The following DGKB variants were observed in gnomAD, a reference collection of about 807,000 sequenced individuals.
DGKB encodes 90 kDa diacylglycerol kinase.
A neutral mutation model predicts 114.3 loss-of-function variants in DGKB; 67 were observed. The ratio of observed to expected loss-of-function variants is 0.59; its 90% CI spans 0.48 to 0.72. The LOEUF (loss-of-function observed/expected upper bound fraction) is 0.72. DGKB is among the 30% of genes least tolerant of loss of function. The probability of loss-of-function intolerance (pLI) is 0.00; values close to 1 mark genes in which losing one functional copy is unlikely to be tolerated. For synonymous variants in DGKB, 398 were observed against 323.1 expected (o/e 1.23, Z -2.49); for missense variants, 907 against 975.2 (o/e 0.93, Z 0.93).
At chr7:14,328,217 A>G (rs1809095088) in intron 23 of DGKB, among the ~76,000 whole-genome samples, 1 of 152,126 alleles carries the variant, frequency 6.6e-6, no homozygotes, top group South Asian at 2.1e-4. Context: ...TAGTAGGAAA[A>G]CAAGTCAGTG....
chr7:14,149,297 A>G, intron 25 of DGKB, 59 bp from the exon 26 acceptor site: 1 of 1,284,848 alleles, frequency 7.8e-7, no homozygotes, highest in Non-Finnish European at 1.1e-6. Flanking sequence ...GATAGATACA[A>G]TACCAATTTG....
At chr7:14,179,453 T>C (rs1235605834) in intron 23 of DGKB, among the ~76,000 whole-genome samples, 1 of 152,184 alleles carries the variant, frequency 6.6e-6, no homozygotes, top group East Asian at 1.9e-4. Flanking sequence ...GGAGGCATGA[T>C]TATTATACAA....
intron 1 of DGKB, among the ~76,000 whole-genome samples, chr7:14,924,887 G>A (rs963313035): frequency 6.6e-6 from 1 of 152,042 alleles, no homozygotes; most frequent in African/African-American, 2.4e-5. Context: ...TCCTCAGGTT[G>A]CCTTTTGATA....
At chr7:14,350,931 G>T (rs905102803) in intron 21 of DGKB, among the ~76,000 whole-genome samples, 2 of 151,816 alleles carry the variant, frequency 1.3e-5, no homozygotes, top group Non-Finnish European at 2.9e-5. Flanking sequence ...TTTCACTTTT[G>T]TCCTGTTATT....
intron 20 of DGKB, among the ~76,000 whole-genome samples, chr7:14,483,974 G>A (rs1030084079): frequency 4.0e-5 from 6 of 150,864 alleles, no homozygotes; most frequent in African/African-American, 1.5e-4. Flanking sequence ...AAGTCAACAG[G>A]TTTGTGGTAA....
intron 2 of DGKB, among the ~76,000 whole-genome samples, chr7:14,792,331 G>A (rs1391970267): frequency 1.3e-5 from 2 of 152,138 alleles, no homozygotes; most frequent in East Asian, 3.9e-4. Flanking sequence ...TTTTAAAATA[G>A]CCTTTATTAT....
At chr7:14,315,986 A>C (rs901955256) in intron 23 of DGKB, among the ~76,000 whole-genome samples, 4 of 151,858 alleles carry the variant, frequency 2.6e-5, no homozygotes, top group African/African-American at 9.7e-5. Context: ...ATTTCACTCA[A>C]AACCGCTCAA....
chr7:14,834,829 G>A (rs927391887), intron 2 of DGKB, among the ~76,000 whole-genome samples: 1 of 152,078 alleles, frequency 6.6e-6, no homozygotes, highest in Admixed American at 6.6e-5. Flanking sequence ...ATTTTTTGGG[G>A]GGAGGTCAAG....
chr7:14,652,958 C>T (rs1390168181), intron 13 of DGKB, among the ~76,000 whole-genome samples: 3 of 151,588 alleles, frequency 2.0e-5, no homozygotes, highest in Non-Finnish European at 4.4e-5. Flanking sequence ...TAATGAGATA[C>T]CATCTCACAC....
intron 17 of DGKB, among the ~76,000 whole-genome samples, chr7:14,588,147 A>G (rs534529244): frequency 1.3e-5 from 2 of 151,936 alleles, no homozygotes; most frequent in South Asian, 2.1e-4. Context: ...ACGCTTTTTC[A>G]TTTTATTTCT....
chr7:14,881,000 G>A (rs1316865684), intron 1 of DGKB, among the ~76,000 whole-genome samples: 1 of 151,976 alleles, frequency 6.6e-6, no homozygotes, highest in Non-Finnish European at 1.5e-5. Context: ...TAACAATGAG[G>A]CTGTTAGGCC....
intron 1 of DGKB, among the ~76,000 whole-genome samples, chr7:14,966,737 T>C (rs2115291766): frequency 6.6e-6 from 1 of 152,300 alleles, no homozygotes; most frequent in East Asian, 1.9e-4. Flanking sequence ...TCAGGCAATC[T>C]AATTAATTTT....
intron 23 of DGKB, among the ~76,000 whole-genome samples, chr7:14,336,921 A>G (rs1810777110): frequency 6.6e-6 from 1 of 151,760 alleles, no homozygotes. Context: ...GTAGATGCAA[A>G]AGACATATCA....
intron 2 of DGKB, among the ~76,000 whole-genome samples, chr7:14,827,615 T>C (rs1845873343): frequency 6.6e-6 from 1 of 152,158 alleles, no homozygotes; most frequent in African/African-American, 2.4e-5. Context: ...CCAGGAAATA[T>C]TGGGTCAAGG....
At chr7:14,833,151 T>A (rs1473956654) in intron 2 of DGKB, among the ~76,000 whole-genome samples, 1 of 152,116 alleles carries the variant, frequency 6.6e-6, no homozygotes, top group Non-Finnish European at 1.5e-5. Flanking sequence ...CTTATCTCTC[T>A]GTTAACAATG....
chr7:14,261,246 G>T (rs555837486), intron 23 of DGKB, among the ~76,000 whole-genome samples: 1 of 139,640 alleles, frequency 7.2e-6, no homozygotes, highest in South Asian at 2.3e-4. Flanking sequence ...TCATTTCAGT[G>T]AAAAAAAAAA....
chr7:14,731,352 T>C (rs766874829), intron 5 of DGKB, among the ~76,000 whole-genome samples: 15 of 152,094 alleles, frequency 9.9e-5, no homozygotes, highest in Non-Finnish European at 1.6e-4. Context: ...TGGGGAGTAA[T>C]TGAGGTACGT....
At chr7:14,306,736 A>C (rs1804549161) in intron 23 of DGKB, among the ~76,000 whole-genome samples, 1 of 152,132 alleles carries the variant, frequency 6.6e-6, no homozygotes, top group Non-Finnish European at 1.5e-5. Flanking sequence ...ACTTCACTAT[A>C]CACCAACTTT....
chr7:14,181,101 T>C (rs187743583), intron 23 of DGKB, among the ~76,000 whole-genome samples: 3 of 152,246 alleles, frequency 2.0e-5, no homozygotes, highest in Non-Finnish European at 2.9e-5. Flanking sequence ...TTATATAAAA[T>C]TCAAATTTCA....
Sources: allele counts gnomAD v4.1 joint callset (sites outside exome capture counted in the v4.1 genomes callset), GRCh38; gene constraint gnomAD v4.1.1; transcripts MANE v1.5; gene names NCBI Gene and HGNC (gene_info 2026-07-23, HGNC 2026-07-21).